Variants in EIF4A2 observed in about 807,000 individuals in gnomAD.
EIF4A2 encodes eukaryotic translation initiation factor 4A2, also known as eukaryotic initiation factor 4A-II.
In EIF4A2, 9 loss-of-function variants were observed where a neutral mutation model predicts 50.6. That is an observed-to-expected ratio of 0.18 (90% CI 0.11 to 0.31). EIF4A2 has a LOEUF of 0.31. EIF4A2 is among the 10% of genes least tolerant of loss of function. EIF4A2 has a pLI of 1.00. For synonymous variants in EIF4A2, 215 were observed against 164.4 expected, an observed-to-expected ratio of 1.31 and a Z score of -2.35; for missense variants, 182 against 501.8, an observed-to-expected ratio of 0.36 and a Z score of 6.09.
At chr3:186,786,391 A>T in intron 6 of EIF4A2, 111 bp from the exon 7 acceptor site, 2 of 1,533,670 alleles carry the variant, frequency 1.3e-6, no homozygotes, top group Non-Finnish European at 1.8e-6. Context: ...CACTTGATGC[A>T]TAACTCTGTC....
chr3:186,788,208 C>T (rs1458023602), intron 10 of EIF4A2: 1 of 1,018,414 alleles, frequency 9.8e-7, no homozygotes. Context: ...CGCCTGGTAG[C>T]AATTTGAGTG....
rs1468982129 is a variant in EIF4A2 at position 186,789,735 on chromosome 3, T to C, written c.*466T>C. 6.6e-6 allele frequency: 3 copies of C among 454,658 alleles called. No individual in the cohort carries two copies. In the Admixed American group the frequency reaches 1.2e-4, roughly 18 times the overall value. The allele number at this position is 454,658 out of a possible 1,614,324, so 28.2% of individuals were successfully genotyped here. A position where few individuals can be genotyped will look rare whatever the true frequency, so the allele number is the denominator to read the frequency against. ...TTTGAATGCATTTTGTTTGGTATTG[T>C]ATTTATTCAATAAAGTATTTAATTA... On this transcript the variant is annotated 3_prime_UTR_variant, in exon 11 of 11. Transcript: ENST00000323963.
At position 186,785,898 on chromosome 3, in the gene EIF4A2, C is replaced by T. The variant is rs754234145; in HGVS notation, c.364C>T (p.Leu122=). The stretch of plus-strand genomic sequence containing the variant: ...TGGGTTTTAGATCCAAAAGGTAATT[C>T]TGGCACTTGGAGACTATATGGGAGC... ...ELAQQIQKVI[L]ALGDYMGATC... is the part of the protein sequence containing the mutation. The change falls in exon 5 of 11, where the codon CTG becomes TTG. Residue 122 remains leucine, a synonymous_variant. Coordinates refer to ENST00000323963, the MANE Select transcript of EIF4A2 (RefSeq NM_001967.4). 8 of 1,589,350 alleles carry T rather than the reference C, an allele frequency of 5.0e-6. No homozygotes were observed. Among genetic ancestry groups the T allele is most frequent in the Non-Finnish European group, 6.9e-6 (8 of 1,160,190 alleles).
intron 4 of EIF4A2, chr3:186,785,434 GT>G (rs1721635980): frequency 2.7e-6 from 1 of 364,468 alleles, no homozygotes; most frequent in South Asian, 3.8e-5. Context: ...TGATGCATCT[GT>G]TGCATGCTAT....
Position 186,785,996 on chromosome 3 carries a change from T to C in EIF4A2, c.462T>C (p.His154=), listed in dbSNP as rs1721679265. 6.2e-7 allele frequency: 1 copy of C among 1,613,256 alleles called. No homozygotes were observed. Among genetic ancestry groups the C allele is most frequent in the Non-Finnish European group, 8.5e-7 (1 of 1,179,252 alleles). The part of the protein sequence containing the change: ...EMQKLQAEAP[H]IVVGTPGRVF... ...AAAAACTGCAGGCTGAAGCACCACA[T>C]ATTGTTGTTGGTACACCCGGGAGAG... Residue 154 remains histidine (H), a synonymous_variant, in exon 5 of 11, where the codon CAT becomes CAC. Coordinates refer to ENST00000323963, the MANE Select transcript of EIF4A2 (RefSeq NM_001967.4).
chr3:186,789,409 A>G lies in EIF4A2; in HGVS notation c.*140A>G. The G allele has an allele frequency of 7.9e-7, 1 of 1,265,660 alleles. No individual in the cohort carries two copies. The highest frequency in any genetic ancestry group is 2.6e-5 in the East Asian group (1 of 38,902). 78.4% of individuals were successfully genotyped at this position (1,265,660 alleles called of 1,614,324 possible). On this transcript the variant is annotated 3_prime_UTR_variant, in exon 11 of 11. Coordinates refer to ENST00000323963, the MANE Select transcript of EIF4A2 (RefSeq NM_001967.4). ...GATCAGAAATACAGATTTTGATAGC[A>G]AAGCGACGTTAGTCGTGAGCTCTTG... is the stretch of plus-strand genomic sequence containing the variant.
chr3:186,783,720 A>G (rs1416533802), intron 1 of EIF4A2, 81 bp downstream of exon 1: 2 of 1,603,174 alleles, frequency 1.2e-6, no homozygotes, highest in Non-Finnish European at 1.7e-6. Context: ...GCACGGAGGC[A>G]AAAACTCTAA....
At chr3:186,785,421 TC>T in intron 4 of EIF4A2, 1 of 386,450 alleles carries the variant, frequency 2.6e-6, no homozygotes, top group East Asian at 5.0e-5. Flanking sequence ...TCTCCGTAGT[TC>T]GTGATGCATC....
At chr3:186,789,067 T>A in intron 10 of EIF4A2, 58 bp from the exon 11 acceptor site, 1 of 1,556,308 alleles carries the variant, frequency 6.4e-7, no homozygotes, top group Admixed American at 1.9e-5. Context: ...TGGATCGTCA[T>A]GTTCAGTAGT....
chr3:186,788,446 C>A (rs569963650), intron 10 of EIF4A2: 1 of 1,228,700 alleles, frequency 8.1e-7, no homozygotes, highest in Non-Finnish European at 1.0e-6. Context: ...TTTCTTTTGT[C>A]ATGATTATTT....
In EIF4A2 at chr3:186,784,712, A is replaced by AT. The variant is rs755888390; in HGVS notation, c.208+21dup. On this transcript the variant is annotated intron_variant, in intron 3 of 10. Transcript: ENST00000323963. ...TGTATTAAAGGTAAAAGAAACTGGC[A>AT]TTTTTAGGAAATTGTTCTACATAGA... 37 of 1,611,986 alleles carry AT rather than the reference A, an allele frequency of 2.3e-5. No individual in the cohort carries two copies. The highest frequency in any genetic ancestry group is 2.7e-5 in the African/African-American group (2 of 74,782).
At chr3:186,787,619 A>G in intron 9 of EIF4A2, 35 bp downstream of exon 9, 1 of 1,613,272 alleles carries the variant, frequency 6.2e-7, no homozygotes, top group Non-Finnish European at 8.5e-7. Context: ...AATCTACCAA[A>G]AGTTAGCTTT....
Position 186,789,284 on chromosome 3 carries a change from GT to G in EIF4A2, c.*19del. 1 of 1,600,084 alleles carries G rather than the reference GT, an allele frequency of 6.2e-7. No individual in the cohort carries two copies. Among genetic ancestry groups the G allele is most frequent in the Non-Finnish European group, 8.5e-7 (1 of 1,173,534 alleles). On this transcript the variant is annotated 3_prime_UTR_variant, in exon 11 of 11. Coordinates refer to ENST00000323963, the MANE Select transcript of EIF4A2 (RefSeq NM_001967.4). ...ACCTTATTTAATTCCTGGGATGAGA[GT>G]TTTGGATGCAGTGCTCGCTGTTGCT...
At chr3:186,785,236 GT>G in intron 4 of EIF4A2, 135 bp downstream of exon 4, 1 of 1,331,836 alleles carries the variant, frequency 7.5e-7, no homozygotes, top group Non-Finnish European at 1.0e-6. Flanking sequence ...CATGCAGGGA[GT>G]TTTTGTTGAA....
At position 186,787,278 on chromosome 3, in the gene EIF4A2, TAA is replaced by T. The variant is rs751007895; in HGVS notation, c.909+17_909+18del. 4.3e-6 allele frequency: 7 copies of T among 1,614,090 alleles called. No individual in the cohort carries two copies. The highest frequency in any genetic ancestry group is 1.3e-5 in the African/African-American group (1 of 75,054). ...GTTTCTGCTCTGGTAAGAGGTGTTC[TAA>T]AATGTCTGGATTTCCACTAAAGCAG... On this transcript the variant is annotated intron_variant, in intron 8 of 10. Transcript: ENST00000323963.
chr3:186,787,612 C>G, intron 9 of EIF4A2, 28 bp downstream of exon 9: 5 of 1,613,608 alleles, frequency 3.1e-6, no homozygotes, highest in Non-Finnish European at 4.2e-6. Context: ...TTTTAAAAAT[C>G]TACCAAAAGT....
At chr3:186,784,543 A>T (rs757147052) in intron 2 of EIF4A2, 21 bp from the exon 3 acceptor site, 1 of 1,614,066 alleles carries the variant, frequency 6.2e-7, no homozygotes, top group Non-Finnish European at 8.5e-7. Context: ...TTATGCGTGC[A>T]TTATTTTTTC....
intron 4 of EIF4A2, chr3:186,785,553 A>G (rs1225496363): frequency 3.2e-6 from 1 of 315,832 alleles, no homozygotes; most frequent in African/African-American, 2.1e-5. Context: ...CTGGGGGAAA[A>G]AAATCATTTG....
chr3:186,783,991 A>C (rs1285905002), intron 1 of EIF4A2: 5 of 416,648 alleles, frequency 1.2e-5, no homozygotes, highest in African/African-American at 2.0e-5. Context: ...TCGGTCATCC[A>C]CACGAGTTGG....
Sources: allele counts gnomAD v4.1 joint callset, GRCh38; gene constraint gnomAD v4.1.1; transcripts MANE v1.5; gene names NCBI Gene and HGNC (gene_info 2026-07-23, HGNC 2026-07-21).